Variants in EPB41L3 observed in about 807,000 individuals in gnomAD.
EPB41L3 encodes erythrocyte membrane protein band 4.1 like 3, also known as band 4.1-like protein 3.
A neutral mutation model predicts 127.1 loss-of-function variants in EPB41L3; 57 were observed. The observed-to-expected ratio is 0.45, with a 90% CI of 0.36 to 0.56. The LOEUF is 0.56. Among genes scored for constraint, EPB41L3 ranks in the 20% least tolerant of loss-of-function variants. The probability of loss-of-function intolerance (pLI) is 0.00; values close to 1 mark genes in which losing one functional copy is unlikely to be tolerated. For missense variants in EPB41L3, 1,273 were observed against 1,372.2 expected (o/e 0.93, Z 1.14); for synonymous variants, 572 against 549.5 (o/e 1.04, Z -0.57).
intron 1 of EPB41L3, among the ~76,000 whole-genome samples, chr18:5,508,544 G>A (rs2092344050): frequency 6.6e-6 from 1 of 151,966 alleles, no homozygotes; most frequent in Admixed American, 6.6e-5. Flanking sequence ...GAGGTGGGTG[G>A]ATCACAAGGT....
chr18:5,546,838 C>T (rs1304578818), upstream of EPB41L3, among the ~76,000 whole-genome samples: 1 of 152,202 alleles, frequency 6.6e-6, no homozygotes, highest in Non-Finnish European at 1.5e-5. Context: ...AGGATCCTCT[C>T]TTAGTCCTCT....
chr18:5,561,124 CCCG>C (rs951563197), intron 3 of EPB41L3, among the ~76,000 whole-genome samples: 1 of 149,248 alleles, frequency 6.7e-6, no homozygotes, highest in Non-Finnish European at 1.5e-5. Flanking sequence ...ACTACAGGCG[CCCG>C]CCACTACGCC....
intron 16 of EPB41L3, among the ~76,000 whole-genome samples, chr18:5,405,808 A>C (rs1215035397): frequency 9.2e-5 from 7 of 75,936 alleles, no homozygotes; most frequent in Non-Finnish European, 1.7e-4. Context: ...AAAAACAAAA[A>C]AAACTATGTC....
intron 3 of EPB41L3, among the ~76,000 whole-genome samples, chr18:5,603,427 T>C (rs1046455204): frequency 3.3e-5 from 5 of 152,196 alleles, no homozygotes; most frequent in African/African-American, 1.2e-4. Flanking sequence ...GGAACCTTGC[T>C]CAGCTACAGG....
chr18:5,476,347 G>T (rs970699468), intron 3 of EPB41L3, among the ~76,000 whole-genome samples: 1 of 152,038 alleles, frequency 6.6e-6, no homozygotes, highest in South Asian at 2.1e-4. Flanking sequence ...AAAATAACTG[G>T]CCAAGTTTGC....
chr18:5,521,399 C>T (rs985747975), intron 1 of EPB41L3: 1 of 152,174 alleles, frequency 6.6e-6, no homozygotes, highest in Non-Finnish European at 1.5e-5. Context: ...AGTTAACCCC[C>T]AACATTATCT....
At chr18:5,421,003 T>C (rs1323892195) in intron 11 of EPB41L3, among the ~76,000 whole-genome samples, 2 of 152,226 alleles carry the variant, frequency 1.3e-5, no homozygotes, top group Non-Finnish European at 2.9e-5. Context: ...AGTTAGGCCA[T>C]TCTCTGTGAG....
At chr18:5,526,846 T>A (rs1015144217) in intron 1 of EPB41L3, among the ~76,000 whole-genome samples, 2 of 152,172 alleles carry the variant, frequency 1.3e-5, no homozygotes, top group African/African-American at 4.8e-5. Flanking sequence ...TTAATTAGCA[T>A]GCACACCTAA....
At chr18:5,548,400 A>G (rs1466726849), upstream of EPB41L3, among the ~76,000 whole-genome samples, 2 of 152,246 alleles carry the variant, frequency 1.3e-5, no homozygotes, top group African/African-American at 4.8e-5. Flanking sequence ...AAAACGAAAT[A>G]AAGTATTGAT....
At chr18:5,550,028 T>C (rs2093942429) in intron 3 of EPB41L3, among the ~76,000 whole-genome samples, 1 of 152,202 alleles carries the variant, frequency 6.6e-6, no homozygotes, top group Non-Finnish European at 1.5e-5. Context: ...ATTGTCCTGT[T>C]CCCAATTCCA....
chr18:5,407,563 C>T (rs1482601476), intron 15 of EPB41L3, 138 bp downstream of exon 15: 21 of 794,428 alleles, frequency 2.6e-5, no homozygotes, highest in Non-Finnish European at 4.0e-6. Flanking sequence ...GAACAAATGC[C>T]AACCTACACA....
intron 1 of EPB41L3, among the ~76,000 whole-genome samples, chr18:5,532,998 CA>C (rs894265841): frequency 3.4e-5 from 5 of 148,206 alleles, no homozygotes; most frequent in East Asian, 2.0e-4. Flanking sequence ...GGACACTGGG[CA>C]AAAAAAAAGA....
At chr18:5,499,829 G>GTATA (rs35194563) in intron 1 of EPB41L3, among the ~76,000 whole-genome samples, 40 of 124,656 alleles carry the variant, frequency 3.2e-4, no homozygotes, top group Middle Eastern at 4.2e-3. Context: ...CTATGTGTGT[G>GTATA]TATATATATA....
intron 6 of EPB41L3, among the ~76,000 whole-genome samples, chr18:5,436,234 T>C (rs916379150): frequency 2.0e-5 from 3 of 152,092 alleles, no homozygotes; most frequent in African/African-American, 7.2e-5. Flanking sequence ...TGTTCATCTA[T>C]GGAAGCAGAG....
chr18:5,622,951 ATTTTT>A (rs10622515), intron 1 of EPB41L3, among the ~76,000 whole-genome samples: 1 of 76,054 alleles, frequency 1.3e-5, no homozygotes, highest in African/African-American at 5.4e-5. Context: ...CATAATGCTG[ATTTTT>A]TTTTTTTTTT....
At chr18:5,534,375 C>G (rs1178017147) in intron 1 of EPB41L3, among the ~76,000 whole-genome samples, 1 of 152,120 alleles carries the variant, frequency 6.6e-6, no homozygotes, top group Non-Finnish European at 1.5e-5. Flanking sequence ...AAAATGTGGT[C>G]CTGGGACCAC....
chr18:5,402,711 A>G (rs1278499674), intron 16 of EPB41L3, among the ~76,000 whole-genome samples: 1 of 152,208 alleles, frequency 6.6e-6, no homozygotes, highest in East Asian at 1.9e-4. Flanking sequence ...AGGGGTTAGG[A>G]TATAGTCAGA....
chr18:5,423,412 G>A lies in EPB41L3; in HGVS notation c.1305C>T (p.Ser435=). ...RPAPYFERSS[S]KRYTMSRSLD... Reference sequence around the variant, plus strand: ...AGCTGCGAGACATGGTATAACGTTTGCTGGATGAGCGTTCAAAGTAAGGTG... The same window carrying A: ...AGCTGCGAGACATGGTATAACGTTTACTGGATGAGCGTTCAAAGTAAGGTG... The change falls in exon 11 of 23, where the codon AGC becomes AGT. Residue 435 remains serine, a synonymous_variant. Coordinates refer to ENST00000341928, the MANE Select transcript of EPB41L3 (RefSeq NM_012307.5). 6.2e-7 allele frequency: 1 copy of A among 1,612,816 alleles called. No individual in the cohort carries two copies. The highest frequency in any genetic ancestry group is 8.5e-7 in the Non-Finnish European group (1 of 1,179,016).
At chr18:5,583,032 GAAA>G (rs2094409022) in intron 3 of EPB41L3, among the ~76,000 whole-genome samples, 1 of 152,202 alleles carries the variant, frequency 6.6e-6, no homozygotes, top group Non-Finnish European at 1.5e-5. Flanking sequence ...AAAAGTTGGT[GAAA>G]AGAGGTGGGA....
Sources: gnomAD v4.1 joint callset for allele counts (sites outside exome capture counted in the v4.1 genomes callset) on GRCh38, gnomAD v4.1.1 for gene constraint, MANE v1.5 for transcripts, NCBI Gene and HGNC (gene_info 2026-07-23, HGNC 2026-07-21) for gene names.